Variants in RXFP1 observed in about 807,000 individuals in gnomAD.
The protein encoded by RXFP1 is relaxin receptor 1.
Under a neutral mutation model 89.8 loss-of-function variants are expected in RXFP1, and 73 were observed. The ratio of observed to expected loss-of-function variants is 0.81; its 90% CI spans 0.67 to 0.99. The LOEUF (loss-of-function observed/expected upper bound fraction) is 0.99, where lower values mean the gene tolerates loss of function less well. Ranked by LOEUF, RXFP1 falls within the 50% of genes least tolerant of loss-of-function variation. RXFP1 has a pLI of 0.00. For synonymous variants in RXFP1, 277 were observed against 305.5 expected, an observed-to-expected ratio of 0.91 and a Z score of 0.97; for missense variants, 793 against 895.5, an observed-to-expected ratio of 0.89 and a Z score of 1.46.
Position 158,521,968 on chromosome 4 carries a change from T to C in RXFP1, c.-9T>C, listed in dbSNP as rs1307332440. On this transcript the variant is annotated 5_prime_UTR_variant, in exon 1 of 18. It removes the in-frame stop codon of an upstream open reading frame in the 5' UTR. Coordinates refer to ENST00000307765, the MANE Select transcript of RXFP1 (RefSeq NM_021634.4). ...CACTTTCATTAATCAGTTGCTCAGA[T>C]AGAAGGAAATGACATCTGGTTCTGT... is the stretch of plus-strand genomic sequence containing the variant. The C allele has an allele frequency of 3.1e-6, 5 of 1,607,526 alleles. No homozygotes were observed. The highest frequency in any genetic ancestry group is 1.7e-6 in the Non-Finnish European group (2 of 1,175,652).
At chr4:158,612,595 T>C (rs1763775769) in intron 8 of RXFP1, among the ~76,000 whole-genome samples, 1 of 152,002 alleles carries the variant, frequency 6.6e-6, no homozygotes, top group Non-Finnish European at 1.5e-5. Context: ...TTCTCACTCA[T>C]ATTTTATCAC....
intron 6 of RXFP1, among the ~76,000 whole-genome samples, chr4:158,609,547 A>G (rs1763171189): frequency 1.3e-5 from 2 of 152,144 alleles, no homozygotes; most frequent in African/African-American, 4.8e-5. Flanking sequence ...CTTGTTTTCC[A>G]CCTATACTGT....
At chr4:158,631,464 C>G (rs534352580) in intron 11 of RXFP1, among the ~76,000 whole-genome samples, 1 of 152,086 alleles carries the variant, frequency 6.6e-6, no homozygotes. Context: ...AAAGAACTCA[C>G]GTTTCAGAAA....
At chr4:158,534,906 C>CGT (rs1744932051) in intron 1 of RXFP1, among the ~76,000 whole-genome samples, 1 of 11,286 alleles carries the variant, frequency 8.9e-5, no homozygotes, top group African/African-American at 1.0e-4. Context: ...ATTTTTATTA[C>CGT]ATATAATAAA....
At chr4:158,528,522 G>A (rs1194680303) in intron 1 of RXFP1, among the ~76,000 whole-genome samples, 1 of 151,818 alleles carries the variant, frequency 6.6e-6, no homozygotes, top group African/African-American at 2.4e-5. Context: ...GAAAAAAAAA[G>A]CTCAGAGTAA....
chr4:158,565,014 T>C (rs1753259815), intron 1 of RXFP1, among the ~76,000 whole-genome samples: 1 of 152,118 alleles, frequency 6.6e-6, no homozygotes, highest in South Asian at 2.1e-4. Context: ...GACAGAGTAG[T>C]GGTCCAGAGA....
intron 14 of RXFP1, among the ~76,000 whole-genome samples, chr4:158,640,491 T>C (rs952101774): frequency 6.6e-6 from 1 of 152,040 alleles, no homozygotes; most frequent in Non-Finnish European, 1.5e-5. Flanking sequence ...AGGGAGTAGG[T>C]GTGTCAAATG....
intron 1 of RXFP1, among the ~76,000 whole-genome samples, chr4:158,546,670 A>T (rs1386577179): frequency 6.6e-6 from 1 of 152,144 alleles, no homozygotes; most frequent in Non-Finnish European, 1.5e-5. Context: ...AGGGTTGTTG[A>T]ATTTTGTCAA....
At chr4:158,606,586 A>G (rs780130424) in intron 5 of RXFP1, among the ~76,000 whole-genome samples, 2 of 151,964 alleles carry the variant, frequency 1.3e-5, no homozygotes, top group Non-Finnish European at 2.9e-5. Context: ...TCAGGTGCAT[A>G]ATAATTTTTT....
intron 8 of RXFP1, among the ~76,000 whole-genome samples, chr4:158,612,727 C>T (rs1179897387): frequency 6.6e-6 from 1 of 151,964 alleles, no homozygotes; most frequent in East Asian, 1.9e-4. Flanking sequence ...TCTCCTGGCT[C>T]AGCCTCCCAA....
intron 5 of RXFP1, among the ~76,000 whole-genome samples, chr4:158,606,630 CTGGAGTGCAGTAGTA>C (rs941196915): frequency 1.3e-5 from 2 of 152,116 alleles, no homozygotes; most frequent in Non-Finnish European, 2.9e-5. Flanking sequence ...GTCACTCATG[CTGGAGTGCAGTAGTA>C]TGATCATAGT....
intron 1 of RXFP1, among the ~76,000 whole-genome samples, chr4:158,550,529 A>G (rs971623754): frequency 1.3e-4 from 20 of 152,136 alleles, no homozygotes; most frequent in African/African-American, 4.6e-4. Context: ...GAAATCACCC[A>G]TCTTCTGCAT....
At chr4:158,530,979 A>G (rs1246496666) in intron 1 of RXFP1, among the ~76,000 whole-genome samples, 4 of 152,100 alleles carry the variant, frequency 2.6e-5, no homozygotes, top group Non-Finnish European at 4.4e-5. Context: ...ATGCTAGTAA[A>G]CGTTAGCAGG....
intron 1 of RXFP1, among the ~76,000 whole-genome samples, chr4:158,541,513 T>TAAA (rs1746628057): frequency 6.6e-6 from 1 of 152,156 alleles, no homozygotes; most frequent in African/African-American, 2.4e-5. Context: ...GCTCCAAGTT[T>TAAA]AAAATATAAA....
chr4:158,539,784 G>A (rs754676917), intron 1 of RXFP1, among the ~76,000 whole-genome samples: 10 of 152,092 alleles, frequency 6.6e-5, no homozygotes, highest in South Asian at 2.1e-4. Context: ...AGAGCTAACC[G>A]TGTCCAGTAA....
At chr4:158,589,999 C>T (rs1158142095) in intron 2 of RXFP1, among the ~76,000 whole-genome samples, 1 of 152,050 alleles carries the variant, frequency 6.6e-6, no homozygotes, top group East Asian at 1.9e-4. Context: ...CTGCAGTAAG[C>T]TATGATCACA....
intron 2 of RXFP1, among the ~76,000 whole-genome samples, chr4:158,580,610 A>G (rs906866274): frequency 1.6e-4 from 24 of 151,914 alleles, no homozygotes; most frequent in Non-Finnish European, 3.5e-4. Flanking sequence ...AAGTATGAAC[A>G]TTTTCCCACG....
chr4:158,528,195 G>C (rs1743063985), intron 1 of RXFP1, among the ~76,000 whole-genome samples: 1 of 152,046 alleles, frequency 6.6e-6, no homozygotes. Flanking sequence ...TAATGAAAGG[G>C]ACTTTAAAAA....
chr4:158,631,957 G>A (rs1026842839), intron 11 of RXFP1, among the ~76,000 whole-genome samples: 6 of 152,156 alleles, frequency 3.9e-5, no homozygotes, highest in Non-Finnish European at 8.8e-5. Flanking sequence ...GCTGGGCATG[G>A]TGGCATATGG....
Sources: gnomAD v4.1 joint callset for allele counts (sites outside exome capture counted in the v4.1 genomes callset) on GRCh38, gnomAD v4.1.1 for gene constraint, MANE v1.5 for transcripts, NCBI Gene and HGNC (gene_info 2026-07-23, HGNC 2026-07-21) for gene names.